Variants in ECT2L observed in about 807,000 individuals in gnomAD.
ECT2L encodes the protein epithelial cell transforming 2 like.
Under a neutral mutation model 122.8 loss-of-function variants are expected in ECT2L, and 126 were observed. The observed-to-expected ratio is 1.03, with a 90% CI of 0.89 to 1.19. The LOEUF is 1.19. Ranked by LOEUF, ECT2L falls within the 50% of genes most tolerant of loss-of-function variation. ECT2L has a pLI of 0.00. For synonymous variants in ECT2L, 385 were observed against 381.8 expected (o/e 1.01, Z -0.10); for missense variants, 1,012 against 1,064.1 (o/e 0.95, Z 0.68).
chr6:138,892,682 T>C (rs546343940), intron 20 of ECT2L, among the ~76,000 whole-genome samples: 1 of 152,154 alleles, frequency 6.6e-6, no homozygotes, highest in East Asian at 1.9e-4. Context: ...TTAGTAGAGA[T>C]GGGATTCACC....
Position 138,810,480 on chromosome 6 carries a change from T to G in ECT2L, c.-243-2358T>G, listed in dbSNP as rs528165294. On this transcript the variant is annotated intron_variant, in intron 1 of 21. Coordinates refer to ENST00000541398, the MANE Select transcript of ECT2L (RefSeq NM_001077706.3). ...CGCTCAAAATATCTGCAGTTAACTTTAGAGAGAGAGAAAAAAATGTCTCTA... is the reference window on the plus strand; with the variant it reads ...CGCTCAAAATATCTGCAGTTAACTTGAGAGAGAGAGAAAAAAATGTCTCTA... 7.2e-5 allele frequency among the ~76,000 whole-genome samples: 11 copies of G among 152,246 alleles called. No homozygotes were observed. In the South Asian group the frequency reaches 1.7e-3, roughly 23 times the overall value.
At chr6:138,899,579 A>C (rs1177037314) in intron 20 of ECT2L, among the ~76,000 whole-genome samples, 1 of 152,126 alleles carries the variant, frequency 6.6e-6, no homozygotes, top group East Asian at 1.9e-4. Flanking sequence ...GAGGTACACT[A>C]AATAAAAGCC....
At chr6:138,817,775 C>T (rs1436573580) in intron 4 of ECT2L, among the ~76,000 whole-genome samples, 1 of 152,154 alleles carries the variant, frequency 6.6e-6, no homozygotes, top group Non-Finnish European at 1.5e-5. Flanking sequence ...ATCCCTCTGG[C>T]AAACTAAAAT....
At chr6:138,835,723 C>T (rs919761057) in intron 4 of ECT2L, among the ~76,000 whole-genome samples, 1 of 152,124 alleles carries the variant, frequency 6.6e-6, no homozygotes, top group African/African-American at 2.4e-5. Flanking sequence ...CAAAGTACAT[C>T]CAGCATTACC....
intron 12 of ECT2L, among the ~76,000 whole-genome samples, chr6:138,865,677 G>A (rs934220297): frequency 5.3e-5 from 8 of 152,184 alleles, no homozygotes; most frequent in African/African-American, 9.7e-5. Flanking sequence ...GCCCCATGAC[G>A]GAATGAATGA....
At chr6:138,807,173 C>G (rs1775741450) in intron 1 of ECT2L, among the ~76,000 whole-genome samples, 1 of 151,364 alleles carries the variant, frequency 6.6e-6, no homozygotes, top group Non-Finnish European at 1.5e-5. Flanking sequence ...AGGGTTTTGC[C>G]ATGTTGTCCA....
chr6:138,896,386 T>C (rs1779213548), intron 20 of ECT2L, among the ~76,000 whole-genome samples: 1 of 152,196 alleles, frequency 6.6e-6, no homozygotes, highest in Admixed American at 6.5e-5. Context: ...AAATATCCTA[T>C]TATACTGCCA....
chr6:138,856,994 C>T (rs138584977), intron 10 of ECT2L, among the ~76,000 whole-genome samples: 27 of 152,106 alleles, frequency 1.8e-4, no homozygotes, highest in Non-Finnish European at 3.8e-4. Flanking sequence ...TTCCTCCTAC[C>T]GTCGAATCCA....
rs762184240 is a variant in ECT2L at position 138,881,004 on chromosome 6, C to A, written c.1713C>A (p.Val571=). The A allele has an allele frequency of 6.2e-7, 1 of 1,614,108 alleles. No homozygotes were observed. The highest frequency in any genetic ancestry group is 2.2e-5 in the East Asian group (1 of 44,862). ...CAGCAGAAAAGCGAGCTAGAGTTGT[C>A]AGAGAACTCTTACAGAGTGAGAGAA... is the stretch of plus-strand genomic sequence containing the variant. ...KDSAEKRARV[V]RELLQSERKY... is the part of the protein sequence containing the mutation. The change falls in exon 15 of 22, where the codon GTC becomes GTA. Residue 571 remains valine, a synonymous_variant. Coordinates refer to ENST00000541398, the MANE Select transcript of ECT2L (RefSeq NM_001077706.3).
At chr6:138,882,595 G>T (rs1234646063) in intron 15 of ECT2L, 129 bp from the exon 16 acceptor site, 2 of 1,113,480 alleles carry the variant, frequency 1.8e-6, no homozygotes, top group Non-Finnish European at 2.5e-6. Context: ...GTGTTAGGAA[G>T]AAATGACTTG....
intron 20 of ECT2L, among the ~76,000 whole-genome samples, chr6:138,889,715 A>T (rs779882411): frequency 8.5e-5 from 13 of 152,214 alleles, no homozygotes; most frequent in Non-Finnish European, 1.9e-4. Flanking sequence ...TTATCCTCAG[A>T]TAGTTATTGA....
At chr6:138,823,130 G>C in intron 4 of ECT2L, 1 of 1,459,280 alleles carries the variant, frequency 6.9e-7, no homozygotes, top group East Asian at 2.4e-5. Context: ...CTGGAATGCA[G>C]TTTCTGGCTT....
rs377397773 is a variant in ECT2L at position 138,846,529 on chromosome 6, T to A, written c.765-10T>A. ...AATGAAAACTTCTCATATTTCCTTT[T>A]ACTCCATAGAAGCAATATTTCTGGA... On this transcript the variant is annotated splice_polypyrimidine_tract_variant and intron_variant, in intron 7 of 21. Coordinates refer to ENST00000541398, the MANE Select transcript of ECT2L (RefSeq NM_001077706.3). The A allele has an allele frequency of 6.4e-7, 1 of 1,570,716 alleles. No homozygotes were observed. The highest frequency in any genetic ancestry group is 1.4e-5 in the African/African-American group (1 of 72,678).
chr6:138,894,314 C>T (rs1779139698), intron 20 of ECT2L, among the ~76,000 whole-genome samples: 1 of 152,142 alleles, frequency 6.6e-6, no homozygotes, highest in Non-Finnish European at 1.5e-5. Flanking sequence ...CTCAGCCTCC[C>T]AAAGTGCTGG....
chr6:138,817,689 G>A (rs1035249860), intron 4 of ECT2L, among the ~76,000 whole-genome samples: 2 of 152,108 alleles, frequency 1.3e-5, no homozygotes, highest in African/African-American at 4.8e-5. Flanking sequence ...GTATTCCCTA[G>A]TAAGTTTTAA....
In ECT2L at chr6:138,843,053, T is replaced by G. The variant is rs1562469065; in HGVS notation, c.417T>G (p.Gly139=). The change falls in exon 6 of 22, where the codon GGT becomes GGG. Residue 139 remains glycine, a synonymous_variant. Transcript: ENST00000541398. ...LPYTPTDNEY[G]AWKRHYIACV... is the part of the protein sequence containing the mutation. Reference sequence around the variant, plus strand: ...ATACTCCAACAGATAATGAGTATGGTGCTTGGAAGCGCCATTACATTGCTT... The same window carrying G: ...ATACTCCAACAGATAATGAGTATGGGGCTTGGAAGCGCCATTACATTGCTT... 1.2e-6 allele frequency: 2 copies of G among 1,613,782 alleles called. No homozygotes were observed. The highest frequency in any genetic ancestry group is 1.7e-6 in the Non-Finnish European group (2 of 1,179,752).
chr6:138,871,683 G>A (rs1338722093), intron 13 of ECT2L, among the ~76,000 whole-genome samples: 6 of 152,156 alleles, frequency 3.9e-5, no homozygotes, highest in African/African-American at 1.4e-4. Flanking sequence ...GGGCACACCT[G>A]TAGTTCCAGC....
At chr6:138,872,660 C>T (rs1562485380) in intron 13 of ECT2L, among the ~76,000 whole-genome samples, 1 of 152,178 alleles carries the variant, frequency 6.6e-6, no homozygotes, top group Non-Finnish European at 1.5e-5. Context: ...CCTCTAATAC[C>T]ACTCATTTTC....
intron 18 of ECT2L, 87 bp from the exon 19 acceptor site, chr6:138,886,770 A>C: frequency 1.1e-6 from 1 of 919,266 alleles, no homozygotes; most frequent in Non-Finnish European, 1.7e-6. Context: ...GCCCTGTATC[A>C]AGCGCCATAA....
Sources: gnomAD v4.1 joint callset for allele counts (sites outside exome capture counted in the v4.1 genomes callset) on GRCh38, gnomAD v4.1.1 for gene constraint, MANE v1.5 for transcripts, NCBI Gene and HGNC (gene_info 2026-07-23, HGNC 2026-07-21) for gene names.